Variants in GRM3 observed in about 807,000 individuals in gnomAD.
GRM3 encodes the protein glutamate metabotropic receptor 3.
A neutral mutation model predicts 70.5 loss-of-function variants in GRM3; 26 were observed. The observed-to-expected ratio is 0.37, with a 90% CI of 0.27 to 0.51. The LOEUF (loss-of-function observed/expected upper bound fraction) is 0.51. Ranked by LOEUF, GRM3 falls within the 20% of genes least tolerant of loss-of-function variation. GRM3 has a pLI of 0.93. For synonymous variants in GRM3, 443 were observed against 434.9 expected, an observed-to-expected ratio of 1.02 and a Z score of -0.23; for missense variants, 859 against 1,123.8, an observed-to-expected ratio of 0.76 and a Z score of 3.37.
rs1260634407 is a variant in GRM3, at chr7:86,710,569, G to C, written c.-140-54437G>C. 3.0e-5 allele frequency among the ~76,000 whole-genome samples: 4 copies of C among 131,834 alleles called. No individual in the cohort carries two copies. In the Admixed American group the frequency reaches 3.1e-4, roughly 10 times the overall value. 86.5% of individuals were successfully genotyped at this position (131,834 alleles called of 152,430 possible). Reference sequence around the variant, plus strand: ...AGCTGCTACTGTGTGTGTGTGGTGGGGGGTGGGGGGAGGGGGCGGGTGGTG... The same window carrying C: ...AGCTGCTACTGTGTGTGTGTGGTGGCGGGTGGGGGGAGGGGGCGGGTGGTG... On this transcript the variant is annotated intron_variant, in intron 1 of 5. Transcript: ENST00000361669.
At chr7:86,692,418 T>C (rs1172968944) in intron 1 of GRM3, among the ~76,000 whole-genome samples, 3 of 152,228 alleles carry the variant, frequency 2.0e-5, no homozygotes, top group Non-Finnish European at 2.9e-5. Flanking sequence ...TCTTCAAACA[T>C]TCAAGGTTCT....
chr7:86,658,919 A>G (rs1793823128), intron 1 of GRM3, among the ~76,000 whole-genome samples: 3 of 151,694 alleles, frequency 2.0e-5, no homozygotes, highest in Non-Finnish European at 4.4e-5. Flanking sequence ...AAGGTTATTA[A>G]TAATGTTAGA....
chr7:86,742,020 G>A (rs1329081242), intron 1 of GRM3, among the ~76,000 whole-genome samples: 4 of 152,136 alleles, frequency 2.6e-5, no homozygotes, highest in Non-Finnish European at 4.4e-5. Flanking sequence ...GCAGGGCTTG[G>A]TGGAGACAAC....
intron 2 of GRM3, among the ~76,000 whole-genome samples, chr7:86,782,626 G>A (rs1279443724): frequency 1.3e-5 from 2 of 152,156 alleles, no homozygotes; most frequent in African/African-American, 4.8e-5. Flanking sequence ...ACAGGCTTAT[G>A]TCAATCTTCT....
intron 5 of GRM3, among the ~76,000 whole-genome samples, chr7:86,853,774 T>C (rs369857179): frequency 6.1e-4 from 93 of 152,286 alleles, no homozygotes; most frequent in African/African-American, 2.2e-3. Context: ...CTTAAAACAA[T>C]ACCTCTTTAT....
Position 86,839,430 on chromosome 7 carries a change from T to C in GRM3, c.1916T>C (p.Val639Ala). The C allele has an allele frequency of 1.2e-6, 2 of 1,613,988 alleles. No homozygotes were observed. Among genetic ancestry groups the C allele is most frequent in the Non-Finnish European group, 8.5e-7 (1 of 1,179,904 alleles). ...TFFFIAKPSP[V>A]ICALRRLGLG... ...TTCTTCATTGCCAAGCCATCACCAG[T>C]CATCTGTGCATTGCGCCGACTCGGG... is the stretch of plus-strand genomic sequence containing the variant. The change falls in exon 4 of 6, where the codon GTC (valine) becomes GCC (alanine). Residue 639 changes from valine to alanine, a missense_variant. Val to Ala is a moderately conservative substitution (Grantham distance 64, BLOSUM62 0). Transcript: ENST00000361669. The surrounding 1 kb of genome is among the most constrained non-coding windows in gnomAD (Gnocchi z 4.5).
At chr7:86,796,094 T>G (rs1797542663) in intron 3 of GRM3, among the ~76,000 whole-genome samples, 1 of 152,190 alleles carries the variant, frequency 6.6e-6, no homozygotes, top group Non-Finnish European at 1.5e-5. Context: ...ATTTTTGCTT[T>G]TGTGGCAATT....
intron 2 of GRM3, among the ~76,000 whole-genome samples, chr7:86,777,400 T>TAGGG (rs1040341774): frequency 2.0e-4 from 31 of 152,244 alleles, no homozygotes; most frequent in African/African-American, 7.2e-4. Context: ...CCACTATGAT[T>TAGGG]AGGGAGTCCT....
chr7:86,854,124 C>T (rs944826853), intron 5 of GRM3, among the ~76,000 whole-genome samples: 2 of 152,146 alleles, frequency 1.3e-5, no homozygotes, highest in Non-Finnish European at 2.9e-5. Flanking sequence ...GCCACACTTT[C>T]CAAATCGCCA....
chr7:86,760,483 T>A (rs1796452090), intron 1 of GRM3, among the ~76,000 whole-genome samples: 1 of 152,090 alleles, frequency 6.6e-6, no homozygotes, highest in Non-Finnish European at 1.5e-5. Context: ...TGCATATGAA[T>A]GTGGCTGCAG....
At chr7:86,736,600 A>G (rs1006342843) in intron 1 of GRM3, among the ~76,000 whole-genome samples, 6 of 152,150 alleles carry the variant, frequency 3.9e-5, no homozygotes, top group African/African-American at 1.4e-4. Context: ...GGTGCTTTCC[A>G]TCTATGGCTC....
chr7:86,714,561 A>T (rs1031354006), intron 1 of GRM3, among the ~76,000 whole-genome samples: 1 of 152,026 alleles, frequency 6.6e-6, no homozygotes, highest in African/African-American at 2.4e-5. Context: ...CCAGAATATA[A>T]TACATCTTTT....
chr7:86,704,161 G>A (rs1156940104), intron 1 of GRM3, among the ~76,000 whole-genome samples: 1 of 151,818 alleles, frequency 6.6e-6, no homozygotes, highest in African/African-American at 2.4e-5. Context: ...TTCATATTAT[G>A]TATTACTAAA....
chr7:86,786,520 C>G lies in GRM3; in HGVS notation c.728C>G (p.Thr243Arg). 6.2e-7 allele frequency: 1 copy of G among 1,614,142 alleles called. No individual in the cohort carries two copies. Among genetic ancestry groups the G allele is most frequent in the Admixed American group, 1.7e-5 (1 of 60,034 alleles). Residue 243 changes from threonine to arginine, a missense_variant, in exon 3 of 6, where the codon ACG (threonine) becomes AGG (arginine). Thr to Arg is a moderately conservative substitution (Grantham distance 71). Transcript: ENST00000361669. This position sits in a 1 kb window ranked among gnomAD's most constrained non-coding sequence, Gnocchi z 6.0. ...CGCCTGCGCAACATCTGCATCGCTA[C>G]GGCGGAGAAGGTGGGCCGCTCCAAC... ...EARLRNICIA[T>R]AEKVGRSNIR...
chr7:86,745,853 G>A (rs1165383990), intron 1 of GRM3, among the ~76,000 whole-genome samples: 1 of 151,944 alleles, frequency 6.6e-6, no homozygotes, highest in African/African-American at 2.4e-5. Flanking sequence ...CTGATTAAAC[G>A]AGCTCACTGA....
At chr7:86,813,787 G>A (rs1326105982) in intron 3 of GRM3, among the ~76,000 whole-genome samples, 5 of 151,548 alleles carry the variant, frequency 3.3e-5, no homozygotes, top group Non-Finnish European at 7.4e-5. Context: ...CCTCTCTTAA[G>A]GAAAATACCT....
intron 1 of GRM3, among the ~76,000 whole-genome samples, chr7:86,657,722 T>C (rs1793782720): frequency 6.6e-6 from 1 of 152,124 alleles, no homozygotes; most frequent in African/African-American, 2.4e-5. Flanking sequence ...TGGCAGGTTA[T>C]GGCAACAGTC....
At chr7:86,702,257 T>G (rs1408629701) in intron 1 of GRM3, among the ~76,000 whole-genome samples, 1 of 151,950 alleles carries the variant, frequency 6.6e-6, no homozygotes, top group African/African-American at 2.4e-5. Flanking sequence ...GTCCTTCACT[T>G]TACTCCTTGT....
rs201654698 is a variant in GRM3, at chr7:86,741,612, G to A, written c.-140-23394G>A. On this transcript the variant is annotated intron_variant, in intron 1 of 5. Coordinates refer to ENST00000361669, the MANE Select transcript of GRM3 (RefSeq NM_000840.3). Reference sequence around the variant, plus strand: ...TGCTACCCAAAACAAGTTAATTCCTGCCTCTGTGCCTATCTCTGCATCTTT... The same window carrying A: ...TGCTACCCAAAACAAGTTAATTCCTACCTCTGTGCCTATCTCTGCATCTTT... 6.6e-5 allele frequency among the ~76,000 whole-genome samples: 10 copies of A among 152,254 alleles called. 1 individual carries two copies. The East Asian group carries it at 1.9e-3, about 29-fold the overall frequency.
Sources: allele counts gnomAD v4.1 joint callset (sites outside exome capture counted in the v4.1 genomes callset), GRCh38; gene constraint gnomAD v4.1.1; non-coding constraint Gnocchi (gnomAD v3.1); transcripts MANE v1.5; gene names NCBI Gene and HGNC (gene_info 2026-07-23, HGNC 2026-07-21).